The following ACP3 variants were observed in gnomAD, a reference collection of about 807,000 sequenced individuals.
ACP3 encodes prostatic acid phosphatase.
In ACP3, 38 loss-of-function variants were observed where a neutral mutation model predicts 45.6. The observed-to-expected ratio is 0.83, with a 90% CI of 0.64 to 1.09. The LOEUF (loss-of-function observed/expected upper bound fraction) is 1.09. Among genes scored for constraint, ACP3 ranks in the 50% least tolerant of loss-of-function variants. The probability of loss-of-function intolerance (pLI) is 0.00; values close to 1 mark genes in which losing one functional copy is unlikely to be tolerated. For missense variants in ACP3, 466 were observed against 463.2 expected, an observed-to-expected ratio of 1.01 and a Z score of -0.05; for synonymous variants, 162 against 164.7, an observed-to-expected ratio of 0.98 and a Z score of 0.13.
At chr3:132,354,328 G>T in intron 9 of ACP3, among the ~76,000 whole-genome samples, 1 of 152,126 alleles carries the variant, frequency 6.6e-6, no homozygotes, top group East Asian at 1.9e-4. Flanking sequence ...TCAGTGCACA[G>T]AAGCATTTTC....
Position 132,339,326 on chromosome 3 carries a change from G to T in ACP3, c.555+1772G>T, listed in dbSNP as rs983024083. On this transcript the variant is annotated intron_variant, in intron 5 of 9. Transcript: ENST00000336375. ...ACAGAAGACTTCTGTGACCAAATAT[G>T]GGGGATCTCTCTGCAAGAAAAGGCA... Among the ~76,000 whole-genome samples, 55 of 152,264 alleles carry T rather than the reference G, an allele frequency of 3.6e-4. 1 individual carries two copies. The highest frequency in any genetic ancestry group is 1.2e-3 in the African/African-American group (49 of 41,540).
At chr3:132,324,193 G>A (rs565383677) in intron 1 of ACP3, among the ~76,000 whole-genome samples, 1 of 150,204 alleles carries the variant, frequency 6.7e-6, no homozygotes, top group East Asian at 1.9e-4. Flanking sequence ...ACTCCAGCCT[G>A]GGCAACAAGA....
At position 132,352,793 on chromosome 3, in the gene ACP3, G is replaced by C; in HGVS notation, c.938G>C (p.Cys313Ser). 6.2e-7 allele frequency: 1 copy of C among 1,613,204 alleles called. No homozygotes were observed. Among genetic ancestry groups the C allele is most frequent in the Non-Finnish European group, 8.5e-7 (1 of 1,179,218 alleles). The change falls in exon 9 of 10, where the codon TGC becomes TCC. Residue 313 changes from cysteine (C) to serine (S), a missense_variant. Physicochemically the swap from Cys to Ser is moderately radical, Grantham distance 112 (BLOSUM62 -1). Transcript: ENST00000336375. ...GGACTCCTTCCTCCCTATGCTTCTT[G>C]CCACTTGACGGAATTGTACTTTGAG... ...YNGLLPPYAS[C>S]HLTELYFEKG...
At chr3:132,348,999 T>TCACACACACA (rs3221158) in intron 7 of ACP3, among the ~76,000 whole-genome samples, 1 of 146,836 alleles carries the variant, frequency 6.8e-6, no homozygotes, top group Non-Finnish European at 1.5e-5. Flanking sequence ...TCATTACAAC[T>TCACACACACA]CACACACACA....
At chr3:132,364,008 C>T (rs946176910) in intron 10 of ACP3, among the ~76,000 whole-genome samples, 1 of 152,052 alleles carries the variant, frequency 6.6e-6, no homozygotes, top group African/African-American at 2.4e-5. Context: ...GTAATAATTG[C>T]TGATGACTTC....
At position 132,335,033 on chromosome 3, in the gene ACP3, T is replaced by G. The variant is rs112614714; in HGVS notation, c.457-2423T>G. Among the ~76,000 whole-genome samples the G allele has an allele frequency of 4.0e-3, 612 of 152,274 alleles. 4 individuals carry two copies. Among genetic ancestry groups the G allele is most frequent in the African/African-American group, 0.014 (593 of 41,560 alleles). ...CAGATGTCTCGGTGATTATTCTGTT[T>G]ATTTTCAGCCTGACTCAATTTGTGG... On this transcript the variant is annotated intron_variant, in intron 4 of 9. Transcript: ENST00000336375.
At chr3:132,346,867 G>C (rs1255218365) in intron 7 of ACP3, among the ~76,000 whole-genome samples, 1 of 152,188 alleles carries the variant, frequency 6.6e-6, no homozygotes, top group African/African-American at 2.4e-5. Context: ...TAGAAACACA[G>C]GCCCCACTCC....
intron 6 of ACP3, among the ~76,000 whole-genome samples, chr3:132,344,529 T>C (rs1024353512): frequency 3.3e-5 from 5 of 152,038 alleles, no homozygotes; most frequent in African/African-American, 1.2e-4. Context: ...TCCAGAAATA[T>C]ATTGCCTTTC....
chr3:132,326,516 T>C (rs1937300554), intron 1 of ACP3, among the ~76,000 whole-genome samples: 1 of 152,210 alleles, frequency 6.6e-6, no homozygotes, highest in African/African-American at 2.4e-5. Context: ...AAGTAATTTC[T>C]CACCTGACCA....
At chr3:132,322,264 G>C (rs1937220104) in intron 1 of ACP3, among the ~76,000 whole-genome samples, 1 of 152,130 alleles carries the variant, frequency 6.6e-6, no homozygotes, top group South Asian at 2.1e-4. Context: ...CTGGATCAAA[G>C]TCTTATTAGA....
downstream of ACP3, among the ~76,000 whole-genome samples, chr3:132,360,797 C>G (rs1026377977): frequency 3.3e-5 from 5 of 152,202 alleles, no homozygotes; most frequent in Admixed American, 3.3e-4. Flanking sequence ...AGCACAAATA[C>G]ACATGCCCAA....
chr3:132,355,706 C>T (rs1377401710), intron 9 of ACP3, among the ~76,000 whole-genome samples: 14 of 152,034 alleles, frequency 9.2e-5, no homozygotes, highest in Non-Finnish European at 1.5e-4. Flanking sequence ...TTAGTAGAGA[C>T]GGGGTTTCAC....
chr3:132,318,288 T>C (rs1226999483), intron 1 of ACP3, among the ~76,000 whole-genome samples: 3 of 152,180 alleles, frequency 2.0e-5, no homozygotes, highest in African/African-American at 2.4e-5. Flanking sequence ...CTGTATCTTT[T>C]TTTCCTTCTG....
rs142366378 is a variant in ACP3 at position 132,353,253 on chromosome 3, C to T, written c.968+430C>T. On this transcript the variant is annotated intron_variant, in intron 9 of 9. Transcript: ENST00000336375. ...TTAAAGTACAATTTCTAACTGGTGT[C>T]TACCTCTGTGTGACCTGGTGTGGCC... Among the ~76,000 whole-genome samples, 308 of 152,302 alleles carry T rather than the reference C, an allele frequency of 2.0e-3. 3 individuals are homozygous for T. Among genetic ancestry groups the T allele is most frequent in the African/African-American group, 6.7e-3 (278 of 41,558 alleles).
exon 11 of ACP3, chr3:132,367,754 A>C: frequency 1.2e-6 from 2 of 1,613,832 alleles, no homozygotes; most frequent in Non-Finnish European, 1.7e-6. Context: ...TGCTGTCCTA[A>C]TGGTACTACT....
At chr3:132,343,660 A>G (rs1359431020) in intron 6 of ACP3, among the ~76,000 whole-genome samples, 1 of 152,150 alleles carries the variant, frequency 6.6e-6, no homozygotes, top group Non-Finnish European at 1.5e-5. Flanking sequence ...CTCTTTCACG[A>G]ACTCACTTTC....
rs989546103 is a variant in ACP3, at chr3:132,352,618, G to A, written c.865-102G>A. On this transcript the variant is annotated intron_variant, in intron 8 of 9. Transcript: ENST00000336375. ...TTATTAAGTCATTGTGGGCGTATGG[G>A]AAATTTAATTGAATCAGAAGCCATC... 2.0e-5 allele frequency: 16 copies of A among 809,172 alleles called. No homozygotes were observed. In the Middle Eastern group the frequency reaches 6.9e-4, roughly 35 times the overall value. 50.1% of individuals were successfully genotyped at this position (809,172 alleles called of 1,614,324 possible).
intron 2 of ACP3, among the ~76,000 whole-genome samples, chr3:132,330,147 T>C (rs929564591): frequency 1.3e-5 from 2 of 152,080 alleles, no homozygotes; most frequent in African/African-American, 4.8e-5. Flanking sequence ...CTCAAACTCC[T>C]GAGCTCAGGC....
At position 132,357,306 on chromosome 3, in the gene ACP3, A is replaced by G. The variant is rs309995; in HGVS notation, c.*428A>G. On this transcript the variant is annotated 3_prime_UTR_variant, in exon 10 of 10. Coordinates refer to ENST00000336375, the MANE Select transcript of ACP3 (RefSeq NM_001099.5). ...TCAAAAAAAAACCCCACAATCTAGG[A>G]TGGGAACAAGGAAGGAAAGATGTGA... 940,187 of 986,302 alleles carry G rather than the reference A, an allele frequency of 0.95. 448,155 individuals carry two copies. Among genetic ancestry groups the G allele is most frequent in the South Asian group, 0.97 (20,657 of 21,314 alleles). 61.1% of individuals were successfully genotyped at this position (986,302 alleles called of 1,614,324 possible).
Sources: allele counts gnomAD v4.1 joint callset (sites outside exome capture counted in the v4.1 genomes callset), GRCh38; gene constraint gnomAD v4.1.1; transcripts MANE v1.5; gene names NCBI Gene and HGNC (gene_info 2026-07-23, HGNC 2026-07-21).